Variants in PTGER4 observed in about 807,000 individuals in gnomAD.
The protein encoded by PTGER4 is prostaglandin E receptor 4, also known as prostaglandin E2 receptor EP4 subtype.
PTGER4 carries 11 observed loss-of-function variants against 33.2 expected under a neutral mutation model. The ratio of observed to expected loss-of-function variants is 0.33; its 90% CI spans 0.21 to 0.55. The LOEUF is 0.55. PTGER4 is among the 20% of genes least tolerant of loss of function. The probability of loss-of-function intolerance (pLI) is 0.92; values close to 1 mark genes in which losing one functional copy is unlikely to be tolerated. For synonymous variants in PTGER4, 275 were observed against 281.5 expected, an observed-to-expected ratio of 0.98 and a Z score of 0.23; for missense variants, 481 against 650.2, an observed-to-expected ratio of 0.74 and a Z score of 2.83.
At chr5:40,708,479 C>A in the PTGER4 span, among the ~76,000 whole-genome samples, 1 of 152,054 alleles carries the variant, frequency 6.6e-6, no homozygotes, top group Non-Finnish European at 1.5e-5. Context: ...AAGACTAAAC[C>A]AGGAAGAAGT....
rs1741509718 is a variant in PTGER4 at position 40,692,903 on chromosome 5, C to G, written c.*525C>G. On this transcript the variant is annotated 3_prime_UTR_variant, in exon 3 of 3. Coordinates refer to ENST00000302472, the MANE Select transcript of PTGER4 (RefSeq NM_000958.3). The stretch of plus-strand genomic sequence containing the variant: ...TTAATACAAGGTATAATAAAATTAT[C>G]GCAACCCCTCTCCTTCCAGTATAAC... The G allele has an allele frequency of 1.0e-6, 1 of 981,402 alleles. No homozygotes were observed. Among genetic ancestry groups the G allele is most frequent in the African/African-American group, 1.8e-5 (1 of 57,068 alleles). The allele number at this position is 981,402 out of a possible 1,614,324, so 60.8% of individuals were successfully genotyped here. A position where few individuals can be genotyped will look rare whatever the true frequency, so the allele number is the denominator to read the frequency against.
At position 40,681,303 on chromosome 5, in the gene PTGER4, C is replaced by A. The variant is rs1289750136; in HGVS notation, c.310C>A (p.Leu104Met). ...CACCTTCATTCTGCTCTTCTTCAGC[C>A]TGTCCGGCCTCAGCATCATCTGCGC... is the stretch of plus-strand genomic sequence containing the variant. Reference protein sequence around the residue: ...YSTFILLFFSLSGLSIICAMS... With the variant: ...YSTFILLFFSMSGLSIICAMS... Residue 104 changes from leucine to methionine, a missense_variant, in exon 2 of 3, where the codon CTG becomes ATG. Transcript: ENST00000302472. The surrounding 1 kb of genome is among the most constrained non-coding windows in gnomAD (Gnocchi z 9.8). 1 of 1,614,108 alleles carries A rather than the reference C, an allele frequency of 6.2e-7. No individual in the cohort carries two copies. The highest frequency in any genetic ancestry group is 1.3e-5 in the African/African-American group (1 of 74,948).
At chr5:40,726,462 CTTTTT>C in the PTGER4 span, among the ~76,000 whole-genome samples, 1 of 146,472 alleles carries the variant, frequency 6.8e-6, no homozygotes, top group Admixed American at 6.9e-5. Context: ...TTTGAGTCAT[CTTTTT>C]TTTTTACCAT....
chr5:40,693,206 G>A lies in PTGER4; in HGVS notation c.*828G>A. On this transcript the variant is annotated 3_prime_UTR_variant, in exon 3 of 3. Transcript: ENST00000302472. ...CTGTGATTTCAGGAGAACCTAACAT[G>A]CTGGTGAATATTTTCAACTTTTTCC... 1.0e-6 allele frequency: 1 copy of A among 983,738 alleles called. No homozygotes were observed. Among genetic ancestry groups the A allele is most frequent in the Non-Finnish European group, 1.2e-6 (1 of 828,060 alleles). The allele number at this position is 983,738 out of a possible 1,614,324, so 60.9% of individuals were successfully genotyped here.
At chr5:40,702,775 C>A in the PTGER4 span, among the ~76,000 whole-genome samples, 93 of 152,316 alleles carry the variant, frequency 6.1e-4, no homozygotes, top group African/African-American at 2.1e-3. Flanking sequence ...TAAAAACAAT[C>A]CTCAACATAT....
the PTGER4 span, chr5:40,730,270 T>C: frequency 6.3e-7 from 1 of 1,597,676 alleles, no homozygotes; most frequent in Non-Finnish European, 8.5e-7. Flanking sequence ...ACCTGTGATT[T>C]CATCTCGTAT....
the PTGER4 span, among the ~76,000 whole-genome samples, chr5:40,707,882 C>G: frequency 6.6e-6 from 1 of 152,192 alleles, no homozygotes; most frequent in South Asian, 2.1e-4. Flanking sequence ...GAAAATCACT[C>G]AAAACCGCTC....
At position 40,687,615 on chromosome 5, in the gene PTGER4, C is replaced by T. The variant is rs573932747; in HGVS notation, c.868-4164C>T. ...CTATGTTTTCAAACATTGCAAGATG[C>T]GTGGAGTTTTTGTTTGTTTTGTCTT... On this transcript the variant is annotated intron_variant, in intron 2 of 2. Coordinates refer to ENST00000302472, the MANE Select transcript of PTGER4 (RefSeq NM_000958.3). 1.1e-3 allele frequency among the ~76,000 whole-genome samples: 166 copies of T among 152,134 alleles called. 2 individuals carry two copies. The highest frequency in any genetic ancestry group is 3.7e-3 in the African/African-American group (153 of 41,510).
At chr5:40,697,454 G>A (rs542691854), downstream of PTGER4, among the ~76,000 whole-genome samples, 97 of 151,650 alleles carry the variant, frequency 6.4e-4, no homozygotes, top group African/African-American at 2.2e-3. Context: ...GCGTGGTGGC[G>A]CATGCCTGTA....
the PTGER4 span, among the ~76,000 whole-genome samples, chr5:40,712,674 C>T: frequency 5.9e-5 from 9 of 152,230 alleles, no homozygotes; most frequent in South Asian, 1.0e-3. Flanking sequence ...GCAGTTATGA[C>T]AAATCCACAA....
the PTGER4 span, among the ~76,000 whole-genome samples, chr5:40,702,994 T>C: frequency 1.6e-4 from 25 of 152,224 alleles, no homozygotes; most frequent in African/African-American, 6.0e-4. Context: ...CATACCAGAA[T>C]CTCTGGAACA....
At chr5:40,721,233 A>G in the PTGER4 span, among the ~76,000 whole-genome samples, 1 of 152,206 alleles carries the variant, frequency 6.6e-6, no homozygotes, top group African/African-American at 2.4e-5. Context: ...AAGAACAGAG[A>G]GGGATATTTG....
Position 40,693,417 on chromosome 5 carries a change from G to A in PTGER4, c.*1039G>A, listed in dbSNP as rs1741520258. 1 of 985,378 alleles carries A rather than the reference G, an allele frequency of 1.0e-6. No homozygotes were observed. Among genetic ancestry groups the A allele is most frequent in the Non-Finnish European group, 1.2e-6 (1 of 829,532 alleles). 61.0% of individuals were successfully genotyped at this position (985,378 alleles called of 1,614,324 possible). A position where few individuals can be genotyped will look rare whatever the true frequency, so the allele number is the denominator to read the frequency against. ...AATATCCTTTAAAATTTAAAAGGAT[G>A]GCAAGTTGCATCAGAAAGCTTTATT... is the stretch of plus-strand genomic sequence containing the variant. On this transcript the variant is annotated 3_prime_UTR_variant, in exon 3 of 3. Coordinates refer to ENST00000302472, the MANE Select transcript of PTGER4 (RefSeq NM_000958.3).
At chr5:40,711,069 T>C in the PTGER4 span, among the ~76,000 whole-genome samples, 1 of 151,518 alleles carries the variant, frequency 6.6e-6, no homozygotes, top group African/African-American at 2.4e-5. Context: ...TAGAACTTAA[T>C]GTATAATAAA....
At chr5:40,715,727 CA>C in the PTGER4 span, 1 of 155,204 alleles carries the variant, frequency 6.4e-6, no homozygotes, top group Non-Finnish European at 1.4e-5. Context: ...AAAAAGACAG[CA>C]AATATTAAGC....
the PTGER4 span, chr5:40,716,264 T>A: frequency 3.9e-4 from 630 of 1,614,192 alleles, 1 homozygote; most frequent in African/African-American, 7.7e-3. Context: ...GCTGAAACTG[T>A]CTTCTCTTTC....
In PTGER4 at chr5:40,681,915, C is replaced by T; in HGVS notation, c.867+55C>T. ...GCCTTTTTCTCGCATCCACCTCCCGCGTCCATTCCCCGCTCCCTGCTTTCC... is the reference window on the plus strand; with the variant it reads ...GCCTTTTTCTCGCATCCACCTCCCGTGTCCATTCCCCGCTCCCTGCTTTCC... On this transcript the variant is annotated intron_variant, in intron 2 of 2. Transcript: ENST00000302472. This position sits in a 1 kb window ranked among gnomAD's most constrained non-coding sequence, Gnocchi z 9.8. The T allele has an allele frequency of 1.4e-6, 2 of 1,467,802 alleles. No individual in the cohort carries two copies. Among genetic ancestry groups the T allele is most frequent in the Non-Finnish European group, 1.8e-6 (2 of 1,111,784 alleles). The allele number at this position is 1,467,802 out of a possible 1,614,324, so 90.9% of individuals were successfully genotyped here. A position where few individuals can be genotyped will look rare whatever the true frequency, so the allele number is the denominator to read the frequency against.
In PTGER4 at chr5:40,683,856, A is replaced by T. The variant is rs1206665272; in HGVS notation, c.867+1996A>T. Reference sequence around the variant, plus strand: ...TATTTGTGGTTTGCAGATTAACCACATTTTAACTAACAAGAAATACTGTCC... The same window carrying T: ...TATTTGTGGTTTGCAGATTAACCACTTTTTAACTAACAAGAAATACTGTCC... On this transcript the variant is annotated intron_variant, in intron 2 of 2. Coordinates refer to ENST00000302472, the MANE Select transcript of PTGER4 (RefSeq NM_000958.3). The surrounding 1 kb of genome is among the most constrained non-coding windows in gnomAD (Gnocchi z 4.2). Among the ~76,000 whole-genome samples, 2 of 152,214 alleles carry T rather than the reference A, an allele frequency of 1.3e-5. No homozygotes were observed. The highest frequency in any genetic ancestry group is 2.9e-5 in the Non-Finnish European group (2 of 68,022).
the PTGER4 span, among the ~76,000 whole-genome samples, chr5:40,718,072 A>C: frequency 6.6e-6 from 1 of 152,044 alleles, no homozygotes; most frequent in Non-Finnish European, 1.5e-5. Context: ...CAAAAAAAAA[A>C]AAGATTGCAC....
Sources: allele counts gnomAD v4.1 joint callset (sites outside exome capture counted in the v4.1 genomes callset), GRCh38; gene constraint gnomAD v4.1.1; non-coding constraint Gnocchi (gnomAD v3.1); transcripts MANE v1.5; gene names NCBI Gene and HGNC (gene_info 2026-07-23, HGNC 2026-07-21).